MTM1: variants seen among roughly 807,000 people sequenced by gnomAD.
MTM1 encodes myotubularin 1.
Under a neutral mutation model 52.1 loss-of-function variants are expected in MTM1, and 9 were observed. The observed-to-expected ratio is 0.17, with a 90% CI of 0.10 to 0.30. MTM1 has a LOEUF of 0.30. Among genes scored for constraint, MTM1 ranks in the 10% least tolerant of loss-of-function variants. The pLI is 1.00. For missense variants in MTM1, 277 were observed against 470.7 expected (o/e 0.59, Z 3.81); for synonymous variants, 136 against 163.8 (o/e 0.83, Z 1.29).
At chrX:150,569,132 C>A (rs1346241379) in intron 1 of MTM1, among the ~76,000 whole-genome samples, 2 of 113,531 alleles carry the variant, frequency 1.8e-5, no homozygotes, top group African/African-American at 6.4e-5. Context: ...GCGGAGCGGC[C>A]GCAGCCCGGC....
rs993143785 is a variant in MTM1, at chrX:150,649,980, C to G, written c.1053+79C>G. 21 of 938,809 alleles carry G rather than the reference C, an allele frequency of 2.2e-5. No homozygotes were observed. In the African/African-American group the frequency reaches 3.8e-4, roughly 17 times the overall value. The allele number at this position is 938,809 out of a possible 1,213,427, so 77.4% of individuals were successfully genotyped here. On this transcript the variant is annotated intron_variant, in intron 10 of 14. Coordinates refer to ENST00000370396, the MANE Select transcript of MTM1 (RefSeq NM_000252.3). Reference sequence around the variant, plus strand: ...AGTGGAATGGACATATTTTTAAATTCCTTAAAAAAATGGACATTGAGAGAT... The same window carrying G: ...AGTGGAATGGACATATTTTTAAATTGCTTAAAAAAATGGACATTGAGAGAT...
chrX:150,584,412 T>A (rs2038744346), intron 1 of MTM1, among the ~76,000 whole-genome samples: 1 of 110,789 alleles, frequency 9.0e-6, no homozygotes, highest in Non-Finnish European at 1.9e-5. Flanking sequence ...ATGTGGAAAA[T>A]TTTAAAGATA....
At chrX:150,652,676 C>T (rs186547661) in intron 10 of MTM1, among the ~76,000 whole-genome samples, 2 of 58,122 alleles carry the variant, frequency 3.4e-5, no homozygotes, top group African/African-American at 1.1e-4. Context: ...CACACACACA[C>T]ACACACACAC....
chrX:150,647,271 T>C (rs1299697292), intron 9 of MTM1, among the ~76,000 whole-genome samples: 1 of 105,391 alleles, frequency 9.5e-6, no homozygotes, highest in Non-Finnish European at 1.9e-5. Context: ...GATATAGCAT[T>C]ACAATGAAGT....
At chrX:150,565,156 G>A (rs2038246496), upstream of MTM1, among the ~76,000 whole-genome samples, 1 of 111,949 alleles carries the variant, frequency 8.9e-6, no homozygotes, top group Admixed American at 9.5e-5. Flanking sequence ...TGATCACCGT[G>A]GCAACTTGGG....
chrX:150,607,047 C>T (rs1412231814), intron 4 of MTM1, among the ~76,000 whole-genome samples: 1 of 102,044 alleles, frequency 9.8e-6, no homozygotes, highest in Non-Finnish European at 2.0e-5. Flanking sequence ...GGCGTGATCT[C>T]GGCTCACCGC....
chrX:150,593,461 A>C (rs1018656826), intron 2 of MTM1, among the ~76,000 whole-genome samples: 1 of 112,075 alleles, frequency 8.9e-6, no homozygotes, highest in African/African-American at 3.2e-5. Flanking sequence ...TTGTGTAATT[A>C]GAGGGAGATT....
intron 1 of MTM1, among the ~76,000 whole-genome samples, chrX:150,590,634 G>T (rs781941793): frequency 2.7e-5 from 3 of 110,559 alleles, no homozygotes; most frequent in Non-Finnish European, 3.8e-5. Context: ...GGAAAATGAG[G>T]GATTTCGTCC....
Position 150,637,856 on chromosome X carries a change from C to T in MTM1, c.445-1087C>T, listed in dbSNP as rs782413289. 5.4e-5 allele frequency among the ~76,000 whole-genome samples: 6 copies of T among 111,878 alleles called. No individual in the cohort carries two copies. In the East Asian group the frequency reaches 8.5e-4, roughly 16 times the overall value. On this transcript the variant is annotated intron_variant, in intron 6 of 14. Transcript: ENST00000370396. ...AGTGAGTCTGAGAGCAGAGATGTGGCGGGGGAGATGGCCAGATGGCAGACA... is the reference window on the plus strand; with the variant it reads ...AGTGAGTCTGAGAGCAGAGATGTGGTGGGGGAGATGGCCAGATGGCAGACA...
intron 5 of MTM1, among the ~76,000 whole-genome samples, chrX:150,615,537 G>C (rs1360345510): frequency 4.5e-5 from 5 of 110,584 alleles, no homozygotes; most frequent in African/African-American, 1.6e-4. Context: ...AAGTTTGCTG[G>C]CCCCTGGCCA....
chrX:150,669,041 C>T (rs782159919), intron 14 of MTM1, among the ~76,000 whole-genome samples: 3 of 110,923 alleles, frequency 2.7e-5, no homozygotes, highest in African/African-American at 9.9e-5. Flanking sequence ...ACCCCCCACT[C>T]CCCAACAGGC....
chrX:150,583,925 TATTAA>T (rs1229317819), intron 1 of MTM1, among the ~76,000 whole-genome samples: 2 of 38,762 alleles, frequency 5.2e-5, no homozygotes, highest in African/African-American at 7.8e-5. Flanking sequence ...ATAAAATATA[TATTAA>T]ATTAAAATAT....
chrX:150,624,660 AAATAG>A (rs1485321410), intron 6 of MTM1, among the ~76,000 whole-genome samples: 1 of 112,102 alleles, frequency 8.9e-6, no homozygotes, highest in South Asian at 3.7e-4. Context: ...CAGCATTTTA[AAATAG>A]AATAGAATAG....
At chrX:150,588,126 C>T (rs1045838767) in intron 1 of MTM1, among the ~76,000 whole-genome samples, 7 of 111,985 alleles carry the variant, frequency 6.3e-5, no homozygotes, top group African/African-American at 1.6e-4. Context: ...GAATTCTGAA[C>T]GGAGAGGCTG....
Position 150,638,925 on chromosome X carries a change from A to AT in MTM1, c.445-12dup, listed in dbSNP as rs782166123. ...TGTTCCTTCACGCTGAACTTTATTT[A>AT]TTTTTTGCCTTTTCTAGCCATTATT... On this transcript the variant is annotated splice_polypyrimidine_tract_variant and intron_variant, in intron 6 of 14. Coordinates refer to ENST00000370396, the MANE Select transcript of MTM1 (RefSeq NM_000252.3). 1.1e-5 allele frequency: 12 copies of AT among 1,130,088 alleles called. No individual in the cohort carries two copies. In the South Asian group the frequency reaches 1.5e-4, roughly 14 times the overall value. The allele number at this position is 1,130,088 out of a possible 1,213,427, so 93.1% of individuals were successfully genotyped here. A position where few individuals can be genotyped will look rare whatever the true frequency, so the allele number is the denominator to read the frequency against.
intron 4 of MTM1, among the ~76,000 whole-genome samples, chrX:150,611,293 C>G (rs782128724): frequency 3.6e-5 from 4 of 112,081 alleles, no homozygotes; most frequent in Admixed American, 1.9e-4. Flanking sequence ...TAGCTACTGG[C>G]ATCAGGCACG....
At position 150,657,732 on chromosome X, in the gene MTM1, T is replaced by G. The variant is rs1419355389; in HGVS notation, c.1054-89T>G. 4.5e-6 allele frequency: 4 copies of G among 889,124 alleles called. No individual in the cohort carries two copies. In the African/African-American group the frequency reaches 7.9e-5, roughly 17 times the overall value. 73.3% of individuals were successfully genotyped at this position (889,124 alleles called of 1,213,427 possible). On this transcript the variant is annotated intron_variant, in intron 10 of 14. Coordinates refer to ENST00000370396, the MANE Select transcript of MTM1 (RefSeq NM_000252.3). ...ATCTTTGTTCTGGACGTTAATATTT[T>G]AAAGCATGGCTTTTTCTAAGTTTAA...
At chrX:150,628,111 G>C (rs1366793179) in intron 6 of MTM1, among the ~76,000 whole-genome samples, 1 of 111,236 alleles carries the variant, frequency 9.0e-6, no homozygotes, top group Admixed American at 9.5e-5. Context: ...GTTTGGCCAG[G>C]TCTTCAGGCC....
intron 1 of MTM1, among the ~76,000 whole-genome samples, chrX:150,570,969 TAA>T (rs1338753530): frequency 3.6e-5 from 4 of 112,156 alleles, no homozygotes; most frequent in African/African-American, 9.7e-5. Context: ...GAAAAATAAT[TAA>T]AGTTACAAAA....
Sources: gnomAD v4.1 joint callset for allele counts (sites outside exome capture counted in the v4.1 genomes callset) on GRCh38, gnomAD v4.1.1 for gene constraint, MANE v1.5 for transcripts, NCBI Gene and HGNC (gene_info 2026-07-23, HGNC 2026-07-21) for gene names.